Variants in RAI14 observed in about 807,000 individuals in gnomAD.
RAI14 encodes ankycorbin.
In RAI14, 45 loss-of-function variants were observed where a neutral mutation model predicts 115.4. The ratio of observed to expected loss-of-function variants is 0.39; its 90% confidence interval spans 0.31 to 0.50. The LOEUF (loss-of-function observed/expected upper bound fraction) is 0.50. Ranked by LOEUF, RAI14 falls within the 20% of genes least tolerant of loss-of-function variation. The pLI is 0.85. For missense variants in RAI14, 939 were observed against 1,131.2 expected (o/e 0.83, Z 2.44); for synonymous variants, 371 against 415.4 (o/e 0.89, Z 1.30).
Position 34,784,309 on chromosome 5 carries a change from C to T in RAI14, c.168-11630C>T, listed in dbSNP as rs533389509. On this transcript the variant is annotated intron_variant, in intron 3 of 17. Coordinates refer to ENST00000265109, the MANE Select transcript of RAI14 (RefSeq NM_015577.3). ...TAAAAAGCTTTACCATTACTAGACC[C>T]ATCTGTAAAGACATTTTCAGCACCT... Among the ~76,000 whole-genome samples the T allele has an allele frequency of 2.6e-5, 4 of 152,260 alleles. No individual in the cohort carries two copies. In the East Asian group the frequency reaches 7.7e-4, roughly 29 times the overall value.
chr5:34,723,177 G>A (rs1743012161), intron 2 of RAI14, among the ~76,000 whole-genome samples: 1 of 150,688 alleles, frequency 6.6e-6, no homozygotes, highest in Non-Finnish European at 1.5e-5. Flanking sequence ...ATATATTAGA[G>A]TTCTCCAGAG....
intron 3 of RAI14, among the ~76,000 whole-genome samples, chr5:34,764,070 C>T (rs184280032): frequency 1.3e-3 from 200 of 152,268 alleles, no homozygotes; most frequent in African/African-American, 4.5e-3. Context: ...AGGCTGGTCT[C>T]GAGCTCCTGA....
At chr5:34,802,237 A>T (rs951052811) in intron 4 of RAI14, among the ~76,000 whole-genome samples, 3 of 152,154 alleles carry the variant, frequency 2.0e-5, no homozygotes, top group Non-Finnish European at 4.4e-5. Flanking sequence ...CACAGCAATT[A>T]TCCAGCTTAT....
chr5:34,792,338 A>G (rs73078632), intron 3 of RAI14, among the ~76,000 whole-genome samples: 13,613 of 147,540 alleles, frequency 0.092, 1,066 homozygotes, highest in African/African-American at 0.22. Context: ...GGTTCACACC[A>G]TTCTCCTCTC....
chr5:34,817,493 G>A (rs2150281176), intron 12 of RAI14, among the ~76,000 whole-genome samples: 1 of 152,086 alleles, frequency 6.6e-6, no homozygotes, highest in Admixed American at 6.5e-5. Context: ...ACTCATAGGT[G>A]TTTACCAAAA....
chr5:34,722,560 T>C lies in RAI14; in HGVS notation c.37-34908T>C, dbSNP rs1162351205. Reference sequence around the variant, plus strand: ...GACAAGCAGAGAAATACAAACTTAATCTCTGCCAGGCGTGATGGCTCATGC... The same window carrying C: ...GACAAGCAGAGAAATACAAACTTAACCTCTGCCAGGCGTGATGGCTCATGC... On this transcript the variant is annotated intron_variant, in intron 2 of 17. Coordinates refer to ENST00000265109, the MANE Select transcript of RAI14 (RefSeq NM_015577.3). Among the ~76,000 whole-genome samples the C allele has an allele frequency of 2.0e-5, 3 of 151,988 alleles. No individual in the cohort carries two copies. The East Asian group carries it at 5.8e-4, about 29-fold the overall frequency.
chr5:34,683,439 A>T (rs1744534554), intron 1 of RAI14, among the ~76,000 whole-genome samples: 1 of 152,072 alleles, frequency 6.6e-6, no homozygotes, highest in South Asian at 2.1e-4. Context: ...TGCTTAAAAA[A>T]AAAAAAGAAA....
At chr5:34,825,430 C>T (rs1223013048) in intron 15 of RAI14, among the ~76,000 whole-genome samples, 1 of 152,144 alleles carries the variant, frequency 6.6e-6, no homozygotes, top group East Asian at 1.9e-4. Flanking sequence ...TGTGATCCAC[C>T]TCAAACTTCA....
At chr5:34,732,058 G>A (rs1580064103) in intron 2 of RAI14, among the ~76,000 whole-genome samples, 1 of 152,312 alleles carries the variant, frequency 6.6e-6, no homozygotes, top group East Asian at 1.9e-4. Flanking sequence ...CCTGGAAATG[G>A]GAGTGGCCCC....
intron 2 of RAI14, among the ~76,000 whole-genome samples, chr5:34,727,466 ATGG>A (rs1743610443): frequency 6.6e-6 from 1 of 152,212 alleles, no homozygotes; most frequent in Non-Finnish European, 1.5e-5. Context: ...CACCAAGTCA[ATGG>A]GGAGGATGTC....
At chr5:34,720,690 G>A (rs1165340268) in intron 2 of RAI14, among the ~76,000 whole-genome samples, 3 of 151,946 alleles carry the variant, frequency 2.0e-5, no homozygotes, top group Non-Finnish European at 2.9e-5. Flanking sequence ...GATTACAGGC[G>A]TGAGCCACCG....
intron 1 of RAI14, among the ~76,000 whole-genome samples, chr5:34,658,167 T>C (rs955527944): frequency 2.0e-5 from 3 of 152,138 alleles, no homozygotes. Context: ...GGTGGTGTGA[T>C]TATAACCCTG....
chr5:34,675,024 G>A (rs1216596397), intron 1 of RAI14, among the ~76,000 whole-genome samples: 2 of 151,614 alleles, frequency 1.3e-5, no homozygotes, highest in Non-Finnish European at 1.5e-5. Context: ...AGCTTCCCAA[G>A]TAGCTGGGAC....
intron 5 of RAI14, among the ~76,000 whole-genome samples, chr5:34,804,714 A>G (rs1233466098): frequency 6.6e-6 from 1 of 152,224 alleles, no homozygotes; most frequent in Admixed American, 6.5e-5. Context: ...AAATTCAAGA[A>G]AAATAGATTA....
intron 1 of RAI14, among the ~76,000 whole-genome samples, chr5:34,670,502 G>A (rs1040377538): frequency 6.6e-6 from 1 of 152,116 alleles, no homozygotes; most frequent in African/African-American, 2.4e-5. Context: ...TAATCTTTAA[G>A]GATAGCTATT....
intron 3 of RAI14, among the ~76,000 whole-genome samples, chr5:34,758,651 C>T (rs1384220515): frequency 6.6e-6 from 1 of 152,150 alleles, no homozygotes; most frequent in Non-Finnish European, 1.5e-5. Flanking sequence ...CCAAGCAATC[C>T]TTCTGCCTCA....
chr5:34,682,395 T>A (rs1027099401), intron 1 of RAI14, among the ~76,000 whole-genome samples: 2 of 152,030 alleles, frequency 1.3e-5, no homozygotes, highest in African/African-American at 2.4e-5. Flanking sequence ...TTTTTTTTTT[T>A]AAATACTCAA....
intron 1 of RAI14, chr5:34,685,833 A>G (rs1744808315): frequency 6.6e-6 from 1 of 152,210 alleles, no homozygotes; most frequent in Non-Finnish European, 1.5e-5. Context: ...ATACTTGCTA[A>G]AAGATAATTA....
intron 1 of RAI14, among the ~76,000 whole-genome samples, chr5:34,671,897 T>C (rs897534470): frequency 5.3e-5 from 8 of 152,278 alleles, no homozygotes; most frequent in Non-Finnish European, 8.8e-5. Flanking sequence ...TAAAGACATA[T>C]TATTCTTATA....
Sources: allele counts gnomAD v4.1 joint callset (sites outside exome capture counted in the v4.1 genomes callset), GRCh38; gene constraint gnomAD v4.1.1; transcripts MANE v1.5; gene names NCBI Gene and HGNC (gene_info 2026-07-23, HGNC 2026-07-21).